The following PLXNA4 variants were observed in gnomAD, a reference collection of about 807,000 sequenced individuals.
PLXNA4 encodes plexin-A4.
A neutral mutation model predicts 191.8 loss-of-function variants in PLXNA4; 44 were observed. The ratio of observed to expected loss-of-function variants is 0.23; its 90% CI spans 0.18 to 0.29. PLXNA4 has a LOEUF of 0.29. Ranked by LOEUF, PLXNA4 falls within the 10% of genes least tolerant of loss-of-function variation. PLXNA4 has a pLI of 1.00. For synonymous variants in PLXNA4, 1,082 were observed against 1,009.5 expected (o/e 1.07, Z -1.36); for missense variants, 1,800 against 2,488.8 (o/e 0.72, Z 5.89).
chr7:132,511,245 C>T (rs1798703099), intron 1 of PLXNA4, among the ~76,000 whole-genome samples: 2 of 152,304 alleles, frequency 1.3e-5, no homozygotes, highest in African/African-American at 4.8e-5. Context: ...TAGCTTGGCT[C>T]ACATAATCCT....
At chr7:132,543,825 G>C (rs1389987938) in intron 1 of PLXNA4, among the ~76,000 whole-genome samples, 1 of 152,224 alleles carries the variant, frequency 6.6e-6, no homozygotes, top group East Asian at 1.9e-4. Context: ...ACTGATTAGA[G>C]GGGCATGAGA....
chr7:132,583,988 A>G (rs1037785468), intron 2 of PLXNA4, among the ~76,000 whole-genome samples: 1 of 152,226 alleles, frequency 6.6e-6, no homozygotes. Flanking sequence ...ATGTATTTGC[A>G]CTATGGGAAT....
chr7:132,578,188 CCCA>C (rs1176760870), upstream of PLXNA4, among the ~76,000 whole-genome samples: 6 of 152,162 alleles, frequency 3.9e-5, no homozygotes, highest in Non-Finnish European at 7.4e-5. Context: ...AATGGGCCCA[CCCA>C]CCAAGAGAAA....
intron 2 of PLXNA4, among the ~76,000 whole-genome samples, chr7:132,637,773 C>T (rs1803638180): frequency 6.6e-6 from 1 of 152,172 alleles, no homozygotes; most frequent in Non-Finnish European, 1.5e-5. Context: ...GGCTTTGCCT[C>T]ATCTCCCATG....
At chr7:132,505,570 A>G (rs1185094645) in intron 2 of PLXNA4, among the ~76,000 whole-genome samples, 1 of 152,178 alleles carries the variant, frequency 6.6e-6, no homozygotes, top group Non-Finnish European at 1.5e-5. Context: ...TATTACATGT[A>G]TGCATGTATG....
chr7:132,462,239 C>T (rs1201828549), intron 3 of PLXNA4, among the ~76,000 whole-genome samples: 1 of 152,050 alleles, frequency 6.6e-6, no homozygotes, highest in Admixed American at 6.6e-5. Flanking sequence ...TAAGGGTAAC[C>T]ACTATTAGGT....
At chr7:132,246,953 G>C (rs927505363) in intron 4 of PLXNA4, among the ~76,000 whole-genome samples, 16 of 152,274 alleles carry the variant, frequency 1.1e-4, no homozygotes, top group Admixed American at 1.0e-3. Context: ...CATGGCCTTG[G>C]TCTTCATAAG....
intron 2 of PLXNA4, among the ~76,000 whole-genome samples, chr7:132,617,400 G>A (rs988722487): frequency 2.6e-5 from 4 of 152,106 alleles, no homozygotes; most frequent in African/African-American, 9.7e-5. Context: ...CTTATCCCAG[G>A]GCCATCCCTG....
chr7:132,447,521 G>A (rs1563103998), intron 3 of PLXNA4, among the ~76,000 whole-genome samples: 1 of 152,140 alleles, frequency 6.6e-6, no homozygotes, highest in Non-Finnish European at 1.5e-5. Context: ...AGGTGGGAAG[G>A]GGACTGGGAT....
intron 31 of PLXNA4, among the ~76,000 whole-genome samples, chr7:132,132,415 C>CTGTTCTGTTCTGTTCTGTTCTGTTCTGT (rs1794963258): frequency 2.1e-5 from 1 of 46,712 alleles, no homozygotes; most frequent in African/African-American, 8.4e-5. Flanking sequence ...CTGTTCTGTT[C>CTGTTCTGTTCTGTTCTGTTCTGTTCTGT]TGTTCTGTTC....
chr7:132,469,049 C>T (rs1253408118), intron 3 of PLXNA4, among the ~76,000 whole-genome samples: 1 of 137,866 alleles, frequency 7.3e-6, no homozygotes, highest in African/African-American at 2.7e-5. Flanking sequence ...CCACATATCC[C>T]TCAGACTAAC....
intron 3 of PLXNA4, among the ~76,000 whole-genome samples, chr7:132,473,433 C>A (rs1310154408): frequency 1.3e-5 from 2 of 152,114 alleles, no homozygotes; most frequent in African/African-American, 4.8e-5. Flanking sequence ...GGGATGGGGA[C>A]CCCTGTCTCC....
intron 2 of PLXNA4, among the ~76,000 whole-genome samples, chr7:132,617,576 T>C (rs1001247117): frequency 6.6e-6 from 1 of 152,188 alleles, no homozygotes; most frequent in Non-Finnish European, 1.5e-5. Context: ...GTAATTACTG[T>C]CTCTTAGAAA....
chr7:132,428,096 T>C (rs1165372644), intron 3 of PLXNA4, among the ~76,000 whole-genome samples: 1 of 152,078 alleles, frequency 6.6e-6, no homozygotes, highest in Non-Finnish European at 1.5e-5. Flanking sequence ...CCAGGTGACA[T>C]GGGAGGCCCC....
chr7:132,527,149 T>A (rs1349327798), intron 1 of PLXNA4, among the ~76,000 whole-genome samples: 1 of 152,178 alleles, frequency 6.6e-6, no homozygotes, highest in Non-Finnish European at 1.5e-5. Flanking sequence ...TGCATTCCGT[T>A]CTCTGGACCC....
intron 3 of PLXNA4, among the ~76,000 whole-genome samples, chr7:132,328,865 C>T (rs1481800925): frequency 2.0e-5 from 3 of 152,178 alleles, no homozygotes; most frequent in Admixed American, 6.5e-5. Context: ...AGGGAGAGAC[C>T]ATTGCATATG....
At position 132,394,702 on chromosome 7, in the gene PLXNA4, G is replaced by A. The variant is rs115820518; in HGVS notation, c.1371+94590C>T. Among the ~76,000 whole-genome samples, 1,147 of 152,330 alleles carry A rather than the reference G, an allele frequency of 7.5e-3. 14 individuals carry two copies. The highest frequency in any genetic ancestry group is 0.027 in the African/African-American group (1,107 of 41,562). ...TGAGTTAATGTGAGGCCAGGGCCAT[G>A]AATGACCCAGGAAGAAATCATGAGA... On this transcript the variant is annotated intron_variant, in intron 3 of 31. Coordinates refer to ENST00000321063, the MANE Select transcript of PLXNA4 (RefSeq NM_020911.2).
At chr7:132,234,991 A>C (rs2117012314) in intron 5 of PLXNA4, among the ~76,000 whole-genome samples, 1 of 152,352 alleles carries the variant, frequency 6.6e-6, no homozygotes, top group South Asian at 2.1e-4. Context: ...GATGTGCCTC[A>C]GTGAAGCAAG....
intron 3 of PLXNA4, among the ~76,000 whole-genome samples, chr7:132,472,220 T>G (rs535542215): frequency 6.6e-5 from 10 of 152,342 alleles, no homozygotes; most frequent in Non-Finnish European, 1.3e-4. Flanking sequence ...TCCCCATATC[T>G]TCATTTATTT....
Sources: gnomAD v4.1 joint callset for allele counts (sites outside exome capture counted in the v4.1 genomes callset) on GRCh38, gnomAD v4.1.1 for gene constraint, MANE v1.5 for transcripts, NCBI Gene and HGNC (gene_info 2026-07-23, HGNC 2026-07-21) for gene names.